Variants in SERPINI2 observed in about 807,000 individuals in gnomAD.
SERPINI2 encodes serpin I2.
Under a neutral mutation model 47.3 loss-of-function variants are expected in SERPINI2, and 48 were observed. The ratio of observed to expected loss-of-function variants is 1.02; its 90% CI spans 0.81 to 1.29. The LOEUF (loss-of-function observed/expected upper bound fraction) is 1.29, where lower values mean the gene tolerates loss of function less well. Ranked by LOEUF, SERPINI2 falls within the 50% of genes most tolerant of loss-of-function variation. SERPINI2 has a pLI of 0.00. For missense variants in SERPINI2, 448 were observed against 456.9 expected (o/e 0.98, Z 0.18); for synonymous variants, 135 against 149.3 (o/e 0.90, Z 0.70).
chr3:167,456,150 CTGTGTGTGTG>C lies in SERPINI2; in HGVS notation c.867-3127_867-3118del, dbSNP rs68048909. On this transcript the variant is annotated intron_variant, in intron 5 of 8. Transcript: ENST00000264677. The stretch of plus-strand genomic sequence containing the variant: ...CTGGTCACTTTCCAATCAATTACCT[CTGTGTGTGTG>C]TGTGTGTGTGTGTGTGTGTGTGTGT... Among the ~76,000 whole-genome samples, 264 of 144,514 alleles carry C rather than the reference CTGTGTGTGTG, an allele frequency of 1.8e-3. 3 individuals are homozygous for C. In the East Asian group the frequency reaches 0.03, roughly 16 times the overall value. 94.8% of individuals were successfully genotyped at this position (144,514 alleles called of 152,430 possible). A position where few individuals can be genotyped will look rare whatever the true frequency, so the allele number is the denominator to read the frequency against.
At chr3:167,453,709 C>A (rs1749709217) in intron 5 of SERPINI2, among the ~76,000 whole-genome samples, 1 of 150,964 alleles carries the variant, frequency 6.6e-6, no homozygotes, top group Non-Finnish European at 1.5e-5. Flanking sequence ...CAACACTGAG[C>A]CGTAAGTTAG....
intron 8 of SERPINI2, among the ~76,000 whole-genome samples, chr3:167,444,022 A>G (rs1749399572): frequency 6.6e-6 from 1 of 152,170 alleles, no homozygotes; most frequent in African/African-American, 2.4e-5. Flanking sequence ...CTAATATTAC[A>G]ATACAATAGC....
intron 2 of SERPINI2, among the ~76,000 whole-genome samples, chr3:167,469,774 T>C (rs148537961): frequency 2.0e-5 from 3 of 152,254 alleles, no homozygotes; most frequent in African/African-American, 7.2e-5. Context: ...AGAATTAATA[T>C]TCTTATTAAT....
intron 8 of SERPINI2, among the ~76,000 whole-genome samples, chr3:167,446,175 G>A (rs1175294226): frequency 1.3e-5 from 2 of 152,078 alleles, no homozygotes; most frequent in African/African-American, 4.8e-5. Flanking sequence ...ATATGAAATG[G>A]CTACCGCATA....
upstream of SERPINI2, among the ~76,000 whole-genome samples, chr3:167,475,537 G>A (rs1577181802): frequency 2.0e-5 from 3 of 151,846 alleles, no homozygotes; most frequent in Admixed American, 2.0e-4. Context: ...GAGCAGTTCA[G>A]GCAGAATGTT....
intron 5 of SERPINI2, among the ~76,000 whole-genome samples, chr3:167,462,360 G>T (rs1560234475): frequency 6.6e-6 from 1 of 152,196 alleles, no homozygotes; most frequent in Non-Finnish European, 1.5e-5. Context: ...CTTAAATCAA[G>T]ATGTCAGCAG....
At chr3:167,471,745 T>C in exon 2 of SERPINI2, 1 of 1,613,726 alleles carries the variant, frequency 6.2e-7, no homozygotes, top group East Asian at 2.2e-5. Context: ...AAAGATCCAC[T>C]GCAAATTCGG....
chr3:167,466,435 T>C (rs999267272), intron 3 of SERPINI2, among the ~76,000 whole-genome samples: 1 of 152,336 alleles, frequency 6.6e-6, no homozygotes, highest in East Asian at 1.9e-4. Context: ...TACATTATTA[T>C]TAAAACTCCA....
At chr3:167,444,053 A>G (rs984402138) in intron 8 of SERPINI2, among the ~76,000 whole-genome samples, 14 of 152,014 alleles carry the variant, frequency 9.2e-5, no homozygotes, top group Non-Finnish European at 1.2e-4. Context: ...TAATGGCGAG[A>G]AAAAAAATTC....
chr3:167,452,685 C>A (rs1365671980), intron 6 of SERPINI2, among the ~76,000 whole-genome samples: 2 of 152,192 alleles, frequency 1.3e-5, no homozygotes, highest in Non-Finnish European at 2.9e-5. Flanking sequence ...AATACTTTTA[C>A]TTATGTAGTT....
intron 1 of SERPINI2, chr3:167,473,718 G>A (rs1750404196): frequency 1.4e-5 from 19 of 1,402,128 alleles, no homozygotes; most frequent in Non-Finnish European, 1.6e-5. Flanking sequence ...ACAAATATTG[G>A]TTTTAAAAAC....
intron 3 of SERPINI2, 69 bp from the exon 4 acceptor site, chr3:167,465,742 A>G: frequency 7.5e-7 from 1 of 1,340,298 alleles, no homozygotes; most frequent in Non-Finnish European, 1.0e-6. Flanking sequence ...TGCTTTGAAT[A>G]GAATTAAAGC....
chr3:167,455,549 G>A (rs1470324858), intron 5 of SERPINI2, among the ~76,000 whole-genome samples: 1 of 146,960 alleles, frequency 6.8e-6, no homozygotes, highest in Admixed American at 6.9e-5. Context: ...ATCATTCTTG[G>A]TGTATTAGGC....
At chr3:167,461,426 A>C (rs1338172271) in intron 5 of SERPINI2, among the ~76,000 whole-genome samples, 1 of 152,182 alleles carries the variant, frequency 6.6e-6, no homozygotes, top group African/African-American at 2.4e-5. Flanking sequence ...GTTTCTATAA[A>C]AACGAAGATT....
At chr3:167,446,589 G>A in intron 7 of SERPINI2, 108 bp from the exon 8 acceptor site, 1 of 648,154 alleles carries the variant, frequency 1.5e-6, no homozygotes. Flanking sequence ...TGTGTAAGGA[G>A]TTAACATGTG....
intron 2 of SERPINI2, among the ~76,000 whole-genome samples, chr3:167,468,350 T>C (rs980313569): frequency 5.9e-5 from 9 of 152,112 alleles, no homozygotes; most frequent in African/African-American, 9.7e-5. Flanking sequence ...AATACATTTT[T>C]TTTTTTAAAT....
At chr3:167,475,874 T>G (rs117549681), upstream of SERPINI2, among the ~76,000 whole-genome samples, 35 of 151,908 alleles carry the variant, frequency 2.3e-4, 1 homozygote, top group East Asian at 6.8e-3. Flanking sequence ...AATTTTCTTA[T>G]CCTTTTATAG....
intron 5 of SERPINI2, among the ~76,000 whole-genome samples, chr3:167,463,302 AT>A (rs1361284991): frequency 2.0e-5 from 3 of 152,214 alleles, no homozygotes; most frequent in Non-Finnish European, 2.9e-5. Flanking sequence ...GCTAAAAAAA[AT>A]ATTCTTTGAA....
At chr3:167,453,310 ATTCTAAG>A (rs1190910781) in intron 5 of SERPINI2, among the ~76,000 whole-genome samples, 6 of 152,232 alleles carry the variant, frequency 3.9e-5, no homozygotes, top group African/African-American at 7.2e-5. Flanking sequence ...CTCGGTGAGA[ATTCTAAG>A]TTCTATCTAA....
Sources: allele counts gnomAD v4.1 joint callset (sites outside exome capture counted in the v4.1 genomes callset), GRCh38; gene constraint gnomAD v4.1.1; transcripts MANE v1.5; gene names NCBI Gene and HGNC (gene_info 2026-07-23, HGNC 2026-07-21).